Variants in HDAC4 observed in about 807,000 individuals in gnomAD.
HDAC4 encodes histone deacetylase A.
Under a neutral mutation model 135.1 loss-of-function variants are expected in HDAC4, and 16 were observed. That is an observed-to-expected ratio of 0.12 (90% CI 0.08 to 0.18). The LOEUF (loss-of-function observed/expected upper bound fraction) is 0.18. HDAC4 is among the 10% of genes least tolerant of loss of function. The probability of loss-of-function intolerance (pLI) is 1.00; values close to 1 mark genes in which losing one functional copy is unlikely to be tolerated. For synonymous variants in HDAC4, 685 were observed against 653.4 expected (o/e 1.05, Z -0.74); for missense variants, 1,143 against 1,511.8 (o/e 0.76, Z 4.05).
intron 5 of HDAC4, among the ~76,000 whole-genome samples, chr2:239,173,635 T>G (rs2043587392): frequency 6.6e-6 from 1 of 152,168 alleles, no homozygotes; most frequent in South Asian, 2.1e-4. Context: ...GGACCACAAT[T>G]TGATACTATA....
Position 239,190,039 on chromosome 2 carries a change from A to AG in HDAC4, c.132dup (p.Ser45LeufsTer48). On this transcript the variant is annotated frameshift_variant, in exon 4 of 27. Coordinates refer to ENST00000543185, the MANE Select transcript of HDAC4 (RefSeq NM_001378414.1). LOFTEE classifies it high-confidence loss of function. ...AGGCGCAGGTCCATGGGCACTGCCG[A>AG]GGGGGCCACTTGCAGAGGCAGCGCC... 1 of 1,603,386 alleles carries AG rather than the reference A, an allele frequency of 6.2e-7. No individual in the cohort carries two copies.
At chr2:239,079,340 GTC>G (rs1491232123) in intron 22 of HDAC4, among the ~76,000 whole-genome samples, 6 of 152,340 alleles carry the variant, frequency 3.9e-5, no homozygotes, top group Admixed American at 1.3e-4. Context: ...ATCAGGGCAG[GTC>G]CACTGAGGAG....
At chr2:239,345,044 C>G (rs1692523575) in intron 2 of HDAC4, among the ~76,000 whole-genome samples, 2 of 152,156 alleles carry the variant, frequency 1.3e-5, no homozygotes, top group Admixed American at 6.5e-5. Flanking sequence ...CTGGCTGCAC[C>G]TGCTGCCTAC....
chr2:239,378,465 C>T (rs1040955233), intron 1 of HDAC4, among the ~76,000 whole-genome samples: 3 of 152,170 alleles, frequency 2.0e-5, no homozygotes, highest in Admixed American at 6.5e-5. Flanking sequence ...CCACACTGAA[C>T]GTGCACCACC....
At position 239,307,307 on chromosome 2, in the gene HDAC4, G is replaced by A. The variant is rs757183615; in HGVS notation, c.22+45371C>T. 6.6e-6 allele frequency among the ~76,000 whole-genome samples: 1 copy of A among 152,078 alleles called. No homozygotes were observed. The highest frequency in any genetic ancestry group is 1.5e-5 in the Non-Finnish European group (1 of 68,010). ...CATGGGCTACTTTCAGAAACAAGAG[G>A]GTGTTCTGTTTAGAAGCAGAGAGCC... On this transcript the variant is annotated intron_variant, in intron 2 of 26. Coordinates refer to ENST00000543185, the MANE Select transcript of HDAC4 (RefSeq NM_001378414.1). The surrounding 1 kb of genome is among the most constrained non-coding windows in gnomAD (Gnocchi z 4.8).
intron 3 of HDAC4, among the ~76,000 whole-genome samples, chr2:239,226,960 T>A (rs1304986723): frequency 2.6e-5 from 4 of 152,208 alleles, no homozygotes; most frequent in Non-Finnish European, 5.9e-5. Context: ...GCTGAAACAG[T>A]GTGTGGATTG....
chr2:239,320,896 T>A (rs1047857253), intron 2 of HDAC4, among the ~76,000 whole-genome samples: 41 of 152,232 alleles, frequency 2.7e-4, no homozygotes, highest in African/African-American at 9.4e-4. Context: ...TATTTTAAAA[T>A]CAATTATGAA....
intron 4 of HDAC4, among the ~76,000 whole-genome samples, chr2:239,185,527 G>T (rs11681283): frequency 0.085 from 12,942 of 151,928 alleles, 621 homozygotes; most frequent in East Asian, 0.15. Flanking sequence ...CAGTGTGGGG[G>T]GTGCCCTGTG....
intron 3 of HDAC4, among the ~76,000 whole-genome samples, chr2:239,223,602 C>A (rs994307191): frequency 3.3e-5 from 5 of 152,126 alleles, no homozygotes; most frequent in Non-Finnish European, 5.9e-5. Flanking sequence ...AATGAACACA[C>A]GGTACGTAGC....
chr2:239,109,771 AGT>A (rs895136679), intron 14 of HDAC4, among the ~76,000 whole-genome samples: 4 of 152,212 alleles, frequency 2.6e-5, no homozygotes, highest in Non-Finnish European at 5.9e-5. Context: ...GAAATACGTA[AGT>A]GTGTGTGCAG....
At chr2:239,094,935 C>T (rs764178675) in intron 17 of HDAC4, 75 bp downstream of exon 17, 4 of 1,610,984 alleles carry the variant, frequency 2.5e-6, no homozygotes, top group South Asian at 1.1e-5. Context: ...TTGAGGGAAG[C>T]AAGGCTGCGA....
At chr2:239,119,408 G>A (rs891500654) in intron 12 of HDAC4, among the ~76,000 whole-genome samples, 3 of 152,154 alleles carry the variant, frequency 2.0e-5, no homozygotes, top group African/African-American at 7.2e-5. Context: ...AAAAGCAACA[G>A]GCTAAGGATG....
intron 7 of HDAC4, among the ~76,000 whole-genome samples, chr2:239,154,203 T>C (rs1335958328): frequency 6.6e-6 from 1 of 151,972 alleles, no homozygotes; most frequent in Admixed American, 6.5e-5. Flanking sequence ...GGGGAGTTTC[T>C]GGGAAGGCAC....
At chr2:239,273,781 G>C (rs1190821777) in intron 2 of HDAC4, among the ~76,000 whole-genome samples, 2 of 152,238 alleles carry the variant, frequency 1.3e-5, no homozygotes, top group Non-Finnish European at 2.9e-5. Flanking sequence ...AAATAGACTG[G>C]AGAGCAAGAG....
intron 2 of HDAC4, among the ~76,000 whole-genome samples, chr2:239,282,786 C>T (rs1043124040): frequency 6.8e-6 from 1 of 147,636 alleles, no homozygotes; most frequent in Non-Finnish European, 1.5e-5. Context: ...GTACACACCC[C>T]TCTACACACA....
At chr2:239,300,301 A>C (rs1253422632) in intron 2 of HDAC4, among the ~76,000 whole-genome samples, 1 of 152,216 alleles carries the variant, frequency 6.6e-6, no homozygotes, top group Admixed American at 6.5e-5. Context: ...AGCCTTCCTG[A>C]GAGTGCGCTG....
At chr2:239,102,049 A>G (rs1178742143) in intron 16 of HDAC4, among the ~76,000 whole-genome samples, 3 of 105,072 alleles carry the variant, frequency 2.9e-5, no homozygotes, top group African/African-American at 9.8e-5. Flanking sequence ...GTGCCCTGGA[A>G]GCCCCCGGCC....
intron 4 of HDAC4, among the ~76,000 whole-genome samples, chr2:239,181,651 G>A (rs1366806174): frequency 2.0e-5 from 3 of 152,238 alleles, no homozygotes; most frequent in Non-Finnish European, 4.4e-5. Context: ...CCCATAGCAC[G>A]CTGGCTGGAG....
Position 239,202,280 on chromosome 2 carries a change from T to G in HDAC4, c.95-12203A>C, listed in dbSNP as rs571151977. ...TCAGGAAAGCCTAATGAGAGTAATC[T>G]CCACCCAGAATCTCCTTTTAGGTTG... On this transcript the variant is annotated intron_variant, in intron 3 of 26. Transcript: ENST00000543185. Among the ~76,000 whole-genome samples, 95 of 152,288 alleles carry G rather than the reference T, an allele frequency of 6.2e-4. 1 individual carries two copies. The Middle Eastern group carries it at 0.02, about 33-fold the overall frequency.
Sources: gnomAD v4.1 joint callset for allele counts (sites outside exome capture counted in the v4.1 genomes callset) on GRCh38, gnomAD v4.1.1 for gene constraint, Gnocchi (gnomAD v3.1) non-coding constraint, MANE v1.5 for transcripts, NCBI Gene and HGNC (gene_info 2026-07-23, HGNC 2026-07-21) for gene names.